The following FAM135A variants were observed in gnomAD, a reference collection of about 807,000 sequenced individuals.
The protein encoded by FAM135A is family with sequence similarity 135 member A.
In FAM135A, 79 loss-of-function variants were observed where a neutral mutation model predicts 146.8. The observed-to-expected ratio is 0.54, with a 90% CI of 0.45 to 0.65. The LOEUF is 0.65. Ranked by LOEUF, FAM135A falls within the 30% of genes least tolerant of loss-of-function variation. FAM135A has a pLI of 0.00. For synonymous variants in FAM135A, 562 were observed against 603.6 expected, an observed-to-expected ratio of 0.93 and a Z score of 1.01; for missense variants, 1,623 against 1,758.2, an observed-to-expected ratio of 0.92 and a Z score of 1.38.
intron 12 of FAM135A, among the ~76,000 whole-genome samples, chr6:70,516,884 G>A (rs945060945): frequency 4.6e-5 from 7 of 151,886 alleles, no homozygotes; most frequent in African/African-American, 1.7e-4. Context: ...TCTAGTAGAG[G>A]GGAAAAGTTA....
chr6:70,413,856 G>A (rs1766837161), intron 1 of FAM135A, 154 bp downstream of exon 1: 1 of 985,476 alleles, frequency 1.0e-6, no homozygotes, highest in Non-Finnish European at 1.2e-6. Flanking sequence ...GGCGGTCGGA[G>A]CCTGGCCCCG....
At chr6:70,500,209 T>G (rs1788181685) in intron 11 of FAM135A, among the ~76,000 whole-genome samples, 1 of 152,222 alleles carries the variant, frequency 6.6e-6, no homozygotes, top group Non-Finnish European at 1.5e-5. Context: ...AATCTTGTCT[T>G]CATGCCTTAT....
intron 12 of FAM135A, among the ~76,000 whole-genome samples, chr6:70,514,123 C>G (rs1340480484): frequency 6.6e-6 from 1 of 151,916 alleles, no homozygotes; most frequent in Non-Finnish European, 1.5e-5. Context: ...CCTCCCTTCT[C>G]CCTCTAGTAC....
intron 11 of FAM135A, among the ~76,000 whole-genome samples, chr6:70,491,450 A>G (rs980789166): frequency 5.3e-5 from 8 of 151,898 alleles, no homozygotes; most frequent in African/African-American, 1.4e-4. Flanking sequence ...CAGTAGATCA[A>G]TTTGCTTCTC....
intron 4 of FAM135A, among the ~76,000 whole-genome samples, chr6:70,429,887 C>G (rs984061884): frequency 1.3e-5 from 2 of 151,366 alleles, no homozygotes; most frequent in Non-Finnish European, 2.9e-5. Context: ...AGAAGTAGAG[C>G]AAGAGATTCT....
intron 20 of FAM135A, among the ~76,000 whole-genome samples, chr6:70,539,945 G>A (rs565255506): frequency 2.0e-5 from 3 of 152,278 alleles, no homozygotes; most frequent in East Asian, 1.9e-4. Context: ...GCAGTGAGCC[G>A]CGATCATGCC....
chr6:70,524,612 A>G lies in FAM135A; in HGVS notation c.1528A>G (p.Ile510Val), dbSNP rs1238667671. ...GAAATCTGAAAACACAAAAAAATTA[A>G]TAAAACAGAACTCTAAGGATTCTGT... ...TMKSENTKKL[I>V]KQNSKDSVVL... Residue 510 changes from isoleucine (I) to valine (V), a missense_variant, in exon 15 of 22, where the codon ATA becomes GTA. Physicochemically the swap from Ile to Val is conservative, Grantham distance 29. Coordinates refer to ENST00000418814, the MANE Select transcript of FAM135A (RefSeq NM_001162529.3). 21 of 1,544,214 alleles carry G rather than the reference A, an allele frequency of 1.4e-5. No individual in the cohort carries two copies. The highest frequency in any genetic ancestry group is 1.7e-5 in the Non-Finnish European group (20 of 1,145,142).
At chr6:70,544,217 G>A (rs1015181049) in intron 20 of FAM135A, among the ~76,000 whole-genome samples, 19 of 152,156 alleles carry the variant, frequency 1.2e-4, no homozygotes, top group African/African-American at 4.3e-4. Context: ...GGCTGAGGCA[G>A]GTGAATTGCT....
Position 70,413,691 on chromosome 6 carries a change from G to A in FAM135A, c.-231G>A. 1.8e-6 allele frequency: 1 copy of A among 547,244 alleles called. No individual in the cohort carries two copies. Among genetic ancestry groups the A allele is most frequent in the Non-Finnish European group, 2.3e-6 (1 of 428,814 alleles). 33.9% of individuals were successfully genotyped at this position (547,244 alleles called of 1,614,324 possible). A position where few individuals can be genotyped will look rare whatever the true frequency, so the allele number is the denominator to read the frequency against. On this transcript the variant is annotated 5_prime_UTR_variant, in exon 1 of 22. Transcript: ENST00000418814. The stretch of plus-strand genomic sequence containing the variant: ...TTCGACAGGCGGGGGAAGAGGCCGA[G>A]CCGGGCGAGAGGTAACCCCCTTACT...
rs1445653982 is a variant in FAM135A, at chr6:70,429,373, C to T, written c.77+954C>T. On this transcript the variant is annotated intron_variant, in intron 4 of 21. Coordinates refer to ENST00000418814, the MANE Select transcript of FAM135A (RefSeq NM_001162529.3). ...ACTAAAAATACAAAAATTAGCCGGG[C>T]GTGGTGGTGCACGCCTGTAATCCCA... is the stretch of plus-strand genomic sequence containing the variant. Among the ~76,000 whole-genome samples the T allele has an allele frequency of 4.0e-5, 6 of 151,832 alleles. No individual in the cohort carries two copies. In the East Asian group the frequency reaches 5.8e-4, roughly 15 times the overall value.
At chr6:70,474,547 C>T (rs1194416401) in intron 5 of FAM135A, among the ~76,000 whole-genome samples, 1 of 152,190 alleles carries the variant, frequency 6.6e-6, no homozygotes, top group African/African-American at 2.4e-5. Flanking sequence ...ACTCACCAAA[C>T]TCAGCATAGT....
Position 70,556,767 on chromosome 6 carries a change from A to G in FAM135A, c.4246A>G (p.Asn1416Asp). 6.2e-7 allele frequency: 1 copy of G among 1,605,886 alleles called. No individual in the cohort carries two copies. The highest frequency in any genetic ancestry group is 8.5e-7 in the Non-Finnish European group (1 of 1,177,558). Residue 1416 changes from asparagine to aspartate, a missense_variant, in exon 21 of 22, where the codon AAT becomes GAT. Physicochemically the swap from Asn to Asp is conservative, Grantham distance 23 (BLOSUM62 1). Coordinates refer to ENST00000418814, the MANE Select transcript of FAM135A (RefSeq NM_001162529.3). ...ATTCACAGGGCTTCATTATTTCAAA[A>G]ATGTTGTGCTAGTGGGATCCCTACA... ...SNKAGLHYFKNVVLVGSLQDR... is the reference protein window; with the variant it reads ...SNKAGLHYFKDVVLVGSLQDR...
At chr6:70,428,499 C>G in intron 4 of FAM135A, 80 bp downstream of exon 4, 1 of 893,244 alleles carries the variant, frequency 1.1e-6, no homozygotes, top group Admixed American at 2.9e-5. Context: ...TATTTTTATT[C>G]CAGCATATAT....
At chr6:70,458,508 G>A (rs1389428549) in intron 5 of FAM135A, among the ~76,000 whole-genome samples, 1 of 152,128 alleles carries the variant, frequency 6.6e-6, no homozygotes, top group Non-Finnish European at 1.5e-5. Context: ...TCTCCTGCCT[G>A]ACACTATTCC....
intron 5 of FAM135A, among the ~76,000 whole-genome samples, chr6:70,463,276 G>A (rs1185834741): frequency 6.6e-6 from 1 of 151,712 alleles, no homozygotes; most frequent in Non-Finnish European, 1.5e-5. Flanking sequence ...TTGAGATAGG[G>A]TCTTGCTCTG....
chr6:70,511,395 G>C (rs1304312992), intron 12 of FAM135A, among the ~76,000 whole-genome samples: 1 of 151,830 alleles, frequency 6.6e-6, no homozygotes, highest in African/African-American at 2.4e-5. Context: ...GGTAACCCTT[G>C]AGAGAAAGTA....
chr6:70,538,496 G>A (rs1233953161), intron 20 of FAM135A, 95 bp downstream of exon 20: 1 of 656,924 alleles, frequency 1.5e-6, no homozygotes, highest in East Asian at 3.4e-5. Context: ...CTTTCTAGTG[G>A]TTAAAAAAAA....
chr6:70,442,352 T>C (rs1774748258), intron 4 of FAM135A, among the ~76,000 whole-genome samples: 1 of 151,458 alleles, frequency 6.6e-6, no homozygotes, highest in African/African-American at 2.4e-5. Flanking sequence ...CAAGTAGATA[T>C]ACATTAAATT....
intron 1 of FAM135A, among the ~76,000 whole-genome samples, chr6:70,415,028 G>A (rs1333815399): frequency 3.9e-5 from 6 of 152,070 alleles, no homozygotes; most frequent in Non-Finnish European, 8.8e-5. Flanking sequence ...ATTTTCCTGA[G>A]AGTCTCTGTT....
Sources: allele counts gnomAD v4.1 joint callset (sites outside exome capture counted in the v4.1 genomes callset), GRCh38; gene constraint gnomAD v4.1.1; transcripts MANE v1.5; gene names NCBI Gene and HGNC (gene_info 2026-07-23, HGNC 2026-07-21).